ANO3: variants seen among roughly 807,000 people sequenced by gnomAD.
ANO3 encodes anoctamin 3.
ANO3 carries 99 observed loss-of-function variants against 144.8 expected under a neutral mutation model. That is an observed-to-expected ratio of 0.68 (90% CI 0.58 to 0.81). The LOEUF (loss-of-function observed/expected upper bound fraction) is 0.81. ANO3 is among the 30% of genes least tolerant of loss of function. The pLI, the probability that ANO3 is intolerant of heterozygous loss-of-function variation, is 0.00. For missense variants in ANO3, 905 were observed against 1,202.2 expected, an observed-to-expected ratio of 0.75 and a Z score of 3.66; for synonymous variants, 414 against 392.6, an observed-to-expected ratio of 1.05 and a Z score of -0.64.
intron 1 of ANO3, among the ~76,000 whole-genome samples, 161 bp from the exon 2 acceptor site, chr11:26,441,757 T>C (rs184283302): frequency 1.7e-4 from 26 of 152,288 alleles, no homozygotes; most frequent in African/African-American, 6.3e-4. Context: ...CAAACACTCT[T>C]CTTGACAAAA....
intron 1 of ANO3, among the ~76,000 whole-genome samples, chr11:26,432,992 A>G (rs948503826): frequency 6.6e-6 from 1 of 152,140 alleles, no homozygotes; most frequent in Admixed American, 6.6e-5. Flanking sequence ...TTTTTTGTGA[A>G]GTATGGCCAT....
At chr11:26,323,382 C>T (rs893412754) in intron 1 of ANO3, among the ~76,000 whole-genome samples, 6 of 152,016 alleles carry the variant, frequency 3.9e-5, no homozygotes, top group African/African-American at 1.4e-4. Context: ...GTCTGATTTC[C>T]CTATTTCTGA....
intron 1 of ANO3, among the ~76,000 whole-genome samples, chr11:26,339,548 A>C (rs957594051): frequency 5.3e-5 from 8 of 152,176 alleles, no homozygotes; most frequent in Non-Finnish European, 1.2e-4. Flanking sequence ...GCTGAAAAGC[A>C]TTTCACTCCT....
At chr11:26,234,837 C>T (rs368442988) in intron 1 of ANO3, among the ~76,000 whole-genome samples, 2 of 98,934 alleles carry the variant, frequency 2.0e-5, no homozygotes, top group Non-Finnish European at 5.0e-5. Context: ...ATGGAGTCTG[C>T]CTTCTGTGAG....
At position 26,647,737 on chromosome 11, in the gene ANO3, C is replaced by A; in HGVS notation, c.2457C>A (p.Ile819=). The change falls in exon 24 of 27, where the codon ATC becomes ATA. Residue 819 remains isoleucine (I), a synonymous_variant. Transcript: ENST00000256737. The part of the protein sequence containing the change: ...IGIWLGILEG[I]GILAVITNAF... ...TCTGGCTTGGAATTCTCGAAGGAAT[C>A]GGTATATTGGCTGTGATCACCAATG... 1 of 1,608,208 alleles carries A rather than the reference C, an allele frequency of 6.2e-7. No homozygotes were observed. Among genetic ancestry groups the A allele is most frequent in the Non-Finnish European group, 8.5e-7 (1 of 1,176,516 alleles).
At chr11:26,191,619 T>G (rs568322853) in intron 1 of ANO3, among the ~76,000 whole-genome samples, 4 of 152,316 alleles carry the variant, frequency 2.6e-5, no homozygotes, top group Admixed American at 2.6e-4. Flanking sequence ...TTAAGCTCTG[T>G]TTTTTTCCAA....
chr11:26,629,584 G>C (rs1852705893), intron 18 of ANO3, among the ~76,000 whole-genome samples: 1 of 152,106 alleles, frequency 6.6e-6, no homozygotes, highest in South Asian at 2.1e-4. Context: ...CAGACCATTA[G>C]ACTATCAAGA....
At position 26,441,966 on chromosome 11, in the gene ANO3, C is replaced by A. The variant is rs758733002; in HGVS notation, c.95C>A (p.Pro32Gln). ...ATAACAAAAGAAACTTCGTTAAAAC[C>A]GTCTCGGAGATCCCTGCCTTGCCTC... ...SEITKETSLKPSRRSLPCLAQ... is the reference protein window; with the variant it reads ...SEITKETSLKQSRRSLPCLAQ... The change falls in exon 2 of 27, where the codon CCG becomes CAG. Residue 32 changes from proline (P) to glutamine (Q), a missense_variant. By Grantham distance (76) the Pro-to-Gln change is moderately conservative. This residue lies in a region of ANO3 where 174 missense variants were observed against 171.9 expected (regional missense o/e 1.01). Transcript: ENST00000256737. 6.2e-7 allele frequency: 1 copy of A among 1,613,896 alleles called. No individual in the cohort carries two copies. The highest frequency in any genetic ancestry group is 8.5e-7 in the Non-Finnish European group (1 of 1,179,964).
chr11:26,202,787 T>G (rs756831727), intron 1 of ANO3, among the ~76,000 whole-genome samples: 34 of 152,192 alleles, frequency 2.2e-4, no homozygotes, highest in Admixed American at 8.5e-4. Context: ...CAATCATTCC[T>G]CTGGATGTCT....
At chr11:26,599,113 C>A in intron 16 of ANO3, 115 bp downstream of exon 16, 1 of 1,121,566 alleles carries the variant, frequency 8.9e-7, no homozygotes, top group Non-Finnish European at 1.3e-6. Context: ...TTCTTTCCAA[C>A]AACTTGGTAA....
At chr11:26,267,694 G>A (rs1020742120) in intron 1 of ANO3, among the ~76,000 whole-genome samples, 4 of 152,142 alleles carry the variant, frequency 2.6e-5, no homozygotes, top group African/African-American at 7.2e-5. Flanking sequence ...CATTAGCTAA[G>A]TTAGATTTAT....
chr11:26,461,546 C>T (rs1287636254), intron 3 of ANO3, among the ~76,000 whole-genome samples: 1 of 152,002 alleles, frequency 6.6e-6, no homozygotes, highest in African/African-American at 2.4e-5. Context: ...TCTCTTACTT[C>T]AATGTTCTAT....
intron 1 of ANO3, among the ~76,000 whole-genome samples, chr11:26,263,612 T>A (rs1853243724): frequency 6.6e-6 from 1 of 152,222 alleles, no homozygotes; most frequent in African/African-American, 2.4e-5. Flanking sequence ...GATGAATTTG[T>A]TTTTCCTGGT....
intron 14 of ANO3, among the ~76,000 whole-genome samples, chr11:26,597,644 A>C (rs558399081): frequency 6.6e-6 from 1 of 152,212 alleles, no homozygotes; most frequent in Admixed American, 6.5e-5. Context: ...CAGAGCTCTC[A>C]TACAATGGGA....
intron 4 of ANO3, among the ~76,000 whole-genome samples, chr11:26,484,051 G>A (rs1369679137): frequency 6.6e-6 from 1 of 152,258 alleles, no homozygotes; most frequent in East Asian, 1.9e-4. Flanking sequence ...ATGATTTATG[G>A]TATCTGATGA....
intron 6 of ANO3, among the ~76,000 whole-genome samples, chr11:26,524,694 G>A (rs1460855736): frequency 6.6e-6 from 1 of 152,102 alleles, no homozygotes; most frequent in Non-Finnish European, 1.5e-5. Context: ...TCTAAGAAAT[G>A]CTATACCTCT....
intron 12 of ANO3, among the ~76,000 whole-genome samples, chr11:26,548,600 A>G (rs1590505763): frequency 6.6e-6 from 1 of 152,000 alleles, no homozygotes; most frequent in South Asian, 2.1e-4. Context: ...ATGTATAAGT[A>G]TAACAATTAT....
At chr11:26,415,316 A>G (rs1857552462) in intron 1 of ANO3, among the ~76,000 whole-genome samples, 1 of 152,054 alleles carries the variant, frequency 6.6e-6, no homozygotes, top group Non-Finnish European at 1.5e-5. Flanking sequence ...GTACTTAGAA[A>G]GGTGTTGTCA....
At chr11:26,633,346 T>C (rs1852846887) in intron 18 of ANO3, among the ~76,000 whole-genome samples, 1 of 152,164 alleles carries the variant, frequency 6.6e-6, no homozygotes, top group East Asian at 1.9e-4. Context: ...ATGACCAAAC[T>C]GACTGCAAAA....
Sources: allele counts gnomAD v4.1 joint callset (sites outside exome capture counted in the v4.1 genomes callset), GRCh38; gene constraint gnomAD v4.1.1; regional missense constraint gnomAD v4.1.1; transcripts MANE v1.5; gene names NCBI Gene and HGNC (gene_info 2026-07-23, HGNC 2026-07-21).